The following NETO1 variants were observed in gnomAD, a reference collection of about 807,000 sequenced individuals.
The protein encoded by NETO1 is neuropilin and tolloid like 1, also known as neuropilin and tolloid-like protein 1.
A neutral mutation model predicts 61.3 loss-of-function variants in NETO1; 26 were observed. That is an observed-to-expected ratio of 0.42 (90% CI 0.31 to 0.59). NETO1 has a LOEUF of 0.59. Ranked by LOEUF, NETO1 falls within the 20% of genes least tolerant of loss-of-function variation. The probability of loss-of-function intolerance (pLI) is 0.12; values close to 1 mark genes in which losing one functional copy is unlikely to be tolerated. For missense variants in NETO1, 531 were observed against 662.8 expected, an observed-to-expected ratio of 0.80 and a Z score of 2.18; for synonymous variants, 225 against 225.8, an observed-to-expected ratio of 1.00 and a Z score of 0.03.
At chr18:72,854,943 T>A (rs2074370768) in intron 4 of NETO1, among the ~76,000 whole-genome samples, 1 of 152,230 alleles carries the variant, frequency 6.6e-6, no homozygotes, top group Admixed American at 6.5e-5. Flanking sequence ...GTAACCGTTA[T>A]TGTTTTAAAT....
At chr18:72,865,744 G>A (rs2074714939) in intron 1 of NETO1, 17 of 1,446,340 alleles carry the variant, frequency 1.2e-5, no homozygotes, top group Non-Finnish European at 1.6e-5. Flanking sequence ...GACTGTGGAG[G>A]AGGAGAATAA....
chr18:72,832,345 A>C (rs952416036), intron 4 of NETO1, among the ~76,000 whole-genome samples: 2 of 152,330 alleles, frequency 1.3e-5, no homozygotes, highest in South Asian at 2.1e-4. Flanking sequence ...ACAGTTAGTA[A>C]GTCTCAGGTC....
rs529778748 is a variant in NETO1 at position 72,785,217 on chromosome 18, C to G, written c.640-1311G>C. Among the ~76,000 whole-genome samples, 9 of 146,474 alleles carry G rather than the reference C, an allele frequency of 6.1e-5. No individual in the cohort carries two copies. In the Admixed American group the frequency reaches 6.2e-4, roughly 10 times the overall value. ...TTCTGTATGTATTTTTTTCTTATTT[C>G]GTAAAATCTGAAACTGATACGACAA... On this transcript the variant is annotated intron_variant, in intron 6 of 10. Coordinates refer to ENST00000327305, the MANE Select transcript of NETO1 (RefSeq NM_138966.5).
At chr18:72,842,041 A>G (rs2073950185) in intron 4 of NETO1, among the ~76,000 whole-genome samples, 1 of 126,990 alleles carries the variant, frequency 7.9e-6, no homozygotes, top group Non-Finnish European at 1.6e-5. Flanking sequence ...TAAAATGTAT[A>G]CAGAAGTTTC....
chr18:72,834,828 T>C lies in NETO1; in HGVS notation c.469+23998A>G, dbSNP rs183879795. 61 of 984,044 alleles carry C rather than the reference T, an allele frequency of 6.2e-5. No homozygotes were observed. In the Admixed American group the frequency reaches 8.0e-4, roughly 13 times the overall value. The allele number at this position is 984,044 out of a possible 1,614,324, so 61.0% of individuals were successfully genotyped here. A position where few individuals can be genotyped will look rare whatever the true frequency, so the allele number is the denominator to read the frequency against. On this transcript the variant is annotated intron_variant, in intron 4 of 10. Transcript: ENST00000327305. ...CCTCAGCTGAAGAATTCACAATATT[T>C]TGGGGAGAGTGGAGACTATTATAAT...
intron 4 of NETO1, among the ~76,000 whole-genome samples, chr18:72,837,847 C>G (rs1019241633): frequency 2.0e-5 from 3 of 152,216 alleles, no homozygotes; most frequent in Non-Finnish European, 4.4e-5. Flanking sequence ...GATAGTAAAG[C>G]TGCGTAAGAG....
chr18:72,790,966 T>C (rs2072095443), intron 6 of NETO1, among the ~76,000 whole-genome samples: 1 of 152,140 alleles, frequency 6.6e-6, no homozygotes. Flanking sequence ...CCAGACCAGA[T>C]TATGAATTAG....
intron 1 of NETO1, chr18:72,865,583 T>C (rs766728099): frequency 5.4e-5 from 87 of 1,607,378 alleles, no homozygotes; most frequent in Non-Finnish European, 7.0e-5. Context: ...CCTTAGGGAA[T>C]GGCTCTGCCA....
intron 8 of NETO1, among the ~76,000 whole-genome samples, chr18:72,753,429 C>A (rs775857043): frequency 1.3e-4 from 20 of 152,154 alleles, no homozygotes; most frequent in Non-Finnish European, 2.6e-4. Context: ...AGATACCTGT[C>A]AACCAAAAAC....
At chr18:72,831,273 T>C (rs1275100854) in intron 4 of NETO1, among the ~76,000 whole-genome samples, 1 of 152,178 alleles carries the variant, frequency 6.6e-6, no homozygotes, top group Non-Finnish European at 1.5e-5. Flanking sequence ...TCTAACAATG[T>C]AAAATCCTAT....
intron 4 of NETO1, among the ~76,000 whole-genome samples, chr18:72,848,380 T>C (rs147938174): frequency 7.9e-5 from 12 of 152,140 alleles, no homozygotes; most frequent in African/African-American, 2.4e-4. Flanking sequence ...AAGTCCCACA[T>C]CACACCATCT....
At chr18:72,842,109 A>G (rs1385045180) in intron 4 of NETO1, among the ~76,000 whole-genome samples, 1 of 152,188 alleles carries the variant, frequency 6.6e-6, no homozygotes, top group East Asian at 1.9e-4. Flanking sequence ...GTTTAATATT[A>G]TTTCAAAATT....
chr18:72,781,034 C>T (rs2071716979), intron 7 of NETO1, among the ~76,000 whole-genome samples: 1 of 152,096 alleles, frequency 6.6e-6, no homozygotes, highest in Non-Finnish European at 1.5e-5. Context: ...TATTGACTCA[C>T]ATTGAGTTTG....
chr18:72,853,389 A>G (rs1200216777), intron 4 of NETO1: 3 of 152,854 alleles, frequency 2.0e-5, no homozygotes, highest in Non-Finnish European at 4.4e-5. Flanking sequence ...TTTTGCACCA[A>G]GTCATAGTTA....
chr18:72,848,321 C>T (rs1224152153), intron 4 of NETO1, among the ~76,000 whole-genome samples: 2 of 151,960 alleles, frequency 1.3e-5, no homozygotes, highest in African/African-American at 4.8e-5. Flanking sequence ...CCCATGTTGC[C>T]CAAAAGTCTC....
chr18:72,749,194 A>G (rs956914721), intron 9 of NETO1, 106 bp from the exon 10 acceptor site: 2 of 755,764 alleles, frequency 2.6e-6, no homozygotes, highest in Non-Finnish European at 4.7e-6. Flanking sequence ...AACTGTGGAA[A>G]TAGACTTATG....
chr18:72,762,153 A>G (rs919892266), intron 7 of NETO1, among the ~76,000 whole-genome samples: 3 of 140,708 alleles, frequency 2.1e-5, no homozygotes, highest in Non-Finnish European at 4.6e-5. Flanking sequence ...TGGGTAAAAA[A>G]TTAGAATACA....
At chr18:72,749,109 C>A in intron 9 of NETO1, 21 bp from the exon 10 acceptor site, 1 of 1,442,706 alleles carries the variant, frequency 6.9e-7, no homozygotes, top group Non-Finnish European at 9.7e-7. Context: ...ATGGCTATTT[C>A]ATTCAACAAA....
In NETO1 at chr18:72,758,665, G is replaced by A. The variant is rs528882082; in HGVS notation, c.869-2518C>T. On this transcript the variant is annotated intron_variant, in intron 7 of 10. Transcript: ENST00000327305. ...CAACCCGGCCAACATGGTGAAGCCC[G>A]TCCCTACTAAAAATATAAAAATTAG... is the stretch of plus-strand genomic sequence containing the variant. 4.1e-3 allele frequency among the ~76,000 whole-genome samples: 618 copies of A among 151,904 alleles called. 3 individuals carry two copies. The highest frequency in any genetic ancestry group is 6.8e-3 in the Middle Eastern group (2 of 292).
Sources: allele counts gnomAD v4.1 joint callset (sites outside exome capture counted in the v4.1 genomes callset), GRCh38; gene constraint gnomAD v4.1.1; transcripts MANE v1.5; gene names NCBI Gene and HGNC (gene_info 2026-07-23, HGNC 2026-07-21).